Variants in CLIC4 observed in about 807,000 individuals in gnomAD.
CLIC4 encodes chloride intracellular channel protein 4.
A neutral mutation model predicts 24.6 loss-of-function variants in CLIC4; 13 were observed. The ratio of observed to expected loss-of-function variants is 0.53; its 90% CI spans 0.34 to 0.84. The LOEUF is 0.84. Ranked by LOEUF, CLIC4 falls within the 40% of genes least tolerant of loss-of-function variation. The pLI, the probability that CLIC4 is intolerant of heterozygous loss-of-function variation, is 0.01. For synonymous variants in CLIC4, 104 were observed against 111.3 expected (o/e 0.93, Z 0.41); for missense variants, 227 against 301.7 (o/e 0.75, Z 1.83).
At chr1:24,787,016 G>C (rs1457504435) in intron 1 of CLIC4, among the ~76,000 whole-genome samples, 2 of 152,004 alleles carry the variant, frequency 1.3e-5, no homozygotes, top group East Asian at 3.8e-4. Context: ...GACCTGCCAG[G>C]CTCAAGTGAT....
intron 1 of CLIC4, among the ~76,000 whole-genome samples, chr1:24,771,493 C>T (rs866367350): frequency 1.3e-5 from 2 of 151,864 alleles, no homozygotes; most frequent in Admixed American, 6.6e-5. Context: ...TTATGTTCTT[C>T]TAAAGACTAA....
At chr1:24,812,783 A>T (rs1252278454) in intron 2 of CLIC4, among the ~76,000 whole-genome samples, 1 of 152,014 alleles carries the variant, frequency 6.6e-6, no homozygotes, top group Non-Finnish European at 1.5e-5. Context: ...CAGTGGTGCG[A>T]TCTTGGCTCA....
At chr1:24,756,395 T>C (rs1290390666) in intron 1 of CLIC4, among the ~76,000 whole-genome samples, 1 of 152,232 alleles carries the variant, frequency 6.6e-6, no homozygotes, top group Non-Finnish European at 1.5e-5. Context: ...CATCCTTTCA[T>C]AGGTTTCTTT....
At chr1:24,758,398 C>T (rs1411970526) in intron 1 of CLIC4, among the ~76,000 whole-genome samples, 3 of 150,208 alleles carry the variant, frequency 2.0e-5, no homozygotes, top group South Asian at 2.1e-4. Context: ...TGGGTTTGAG[C>T]GATTCTCCTA....
intron 1 of CLIC4, among the ~76,000 whole-genome samples, chr1:24,760,342 A>G (rs970098755): frequency 2.6e-5 from 4 of 152,114 alleles, no homozygotes; most frequent in African/African-American, 9.7e-5. Context: ...CTCCAGTGAC[A>G]GAGGGGGACT....
intron 2 of CLIC4, among the ~76,000 whole-genome samples, chr1:24,810,521 T>G (rs188423683): frequency 2.6e-5 from 4 of 152,346 alleles, no homozygotes; most frequent in Non-Finnish European, 5.9e-5. Flanking sequence ...CTTTCAGTTA[T>G]GTGGGTTATA....
Position 24,805,687 on chromosome 1 carries a change from A to G in CLIC4, c.182+7836A>G, listed in dbSNP as rs572865445. On this transcript the variant is annotated intron_variant, in intron 2 of 5. Transcript: ENST00000374379. The stretch of plus-strand genomic sequence containing the variant: ...CAAGTCAACTTGTTACAGATGGGTC[A>G]TCTTCAAGAGCCAGCTCCGGTGTTC... Among the ~76,000 whole-genome samples, 18 of 152,294 alleles carry G rather than the reference A, an allele frequency of 1.2e-4. No homozygotes were observed. In the East Asian group the frequency reaches 2.3e-3, roughly 20 times the overall value.
At chr1:24,786,330 T>A (rs1339898635) in intron 1 of CLIC4, among the ~76,000 whole-genome samples, 1 of 152,268 alleles carries the variant, frequency 6.6e-6, no homozygotes, top group Non-Finnish European at 1.5e-5. Flanking sequence ...AGTAAAACAT[T>A]AAAATATTTG....
intron 2 of CLIC4, among the ~76,000 whole-genome samples, chr1:24,809,934 A>G (rs1229676686): frequency 6.6e-6 from 1 of 152,180 alleles, no homozygotes; most frequent in Non-Finnish European, 1.5e-5. Context: ...ACACATTTTT[A>G]TGTTTGCTTT....
chr1:24,762,864 A>G (rs572962712), intron 1 of CLIC4, among the ~76,000 whole-genome samples: 1 of 152,218 alleles, frequency 6.6e-6, no homozygotes, highest in Non-Finnish European at 1.5e-5. Context: ...GCAAAGGGGG[A>G]TACATATGAA....
intron 2 of CLIC4, among the ~76,000 whole-genome samples, chr1:24,805,086 C>CA (rs757976140): frequency 0.061 from 2,827 of 46,600 alleles, 298 homozygotes; most frequent in African/African-American, 0.16. Flanking sequence ...GACTCCATGT[C>CA]AAAAAAAAAA....
intron 2 of CLIC4, among the ~76,000 whole-genome samples, chr1:24,804,400 G>A (rs1571252753): frequency 7.1e-6 from 1 of 141,122 alleles, no homozygotes; most frequent in Non-Finnish European, 1.6e-5. Context: ...GTGGGTGGGT[G>A]GAGGGGGTGT....
intron 2 of CLIC4, among the ~76,000 whole-genome samples, chr1:24,809,870 G>A (rs893887933): frequency 6.6e-6 from 1 of 152,194 alleles, no homozygotes; most frequent in African/African-American, 2.4e-5. Context: ...GGCTATAATA[G>A]GAGGCAGAAA....
rs1328630051 is a variant in CLIC4, at chr1:24,756,480, CT to C, written c.72+10862del. Reference sequence around the variant, plus strand: ...TAGGAGTATGACAGGTTTTCTTTCTCTTTTTTTGGTAACAAAATTATTACTT... The same window carrying C: ...TAGGAGTATGACAGGTTTTCTTTCTCTTTTTTGGTAACAAAATTATTACTT... On this transcript the variant is annotated intron_variant, in intron 1 of 5. Coordinates refer to ENST00000374379, the MANE Select transcript of CLIC4 (RefSeq NM_013943.3). 2.0e-5 allele frequency among the ~76,000 whole-genome samples: 3 copies of C among 152,224 alleles called. No homozygotes were observed. The South Asian group carries it at 6.2e-4, about 32-fold the overall frequency.
intron 1 of CLIC4, among the ~76,000 whole-genome samples, chr1:24,787,349 C>T (rs941707413): frequency 6.6e-6 from 1 of 151,894 alleles, no homozygotes; most frequent in African/African-American, 2.4e-5. Flanking sequence ...CAAAACAAAA[C>T]AAACCTATGT....
At chr1:24,827,485 T>G (rs1252058812) in intron 4 of CLIC4, among the ~76,000 whole-genome samples, 1 of 151,584 alleles carries the variant, frequency 6.6e-6, no homozygotes. Context: ...TTGAGCTTAA[T>G]TTAAACTGTA....
At chr1:24,764,011 A>G (rs1346739314) in intron 1 of CLIC4, among the ~76,000 whole-genome samples, 1 of 152,222 alleles carries the variant, frequency 6.6e-6, no homozygotes. Context: ...GAGTAAATGC[A>G]CTTAAGTATA....
At chr1:24,786,568 G>T (rs1039733074) in intron 1 of CLIC4, among the ~76,000 whole-genome samples, 2 of 152,092 alleles carry the variant, frequency 1.3e-5, no homozygotes, top group African/African-American at 4.8e-5. Context: ...TTCTGTCAGT[G>T]GGATTATTTA....
intron 1 of CLIC4, among the ~76,000 whole-genome samples, chr1:24,767,440 T>C (rs2124097480): frequency 6.6e-6 from 1 of 152,364 alleles, no homozygotes; most frequent in East Asian, 1.9e-4. Flanking sequence ...ATATGTGGTT[T>C]CAACCTTCAG....
Sources: allele counts gnomAD v4.1 joint callset (sites outside exome capture counted in the v4.1 genomes callset), GRCh38; gene constraint gnomAD v4.1.1; transcripts MANE v1.5; gene names NCBI Gene and HGNC (gene_info 2026-07-23, HGNC 2026-07-21).